PTPRN2: variants seen among roughly 807,000 people sequenced by gnomAD.
PTPRN2 encodes protein tyrosine phosphatase receptor type N2, also known as receptor-type tyrosine-protein phosphatase N2.
Under a neutral mutation model 118.8 loss-of-function variants are expected in PTPRN2, and 74 were observed. The ratio of observed to expected loss-of-function variants is 0.62; its 90% CI spans 0.52 to 0.76. PTPRN2 has a LOEUF of 0.76. Ranked by LOEUF, PTPRN2 falls within the 30% of genes least tolerant of loss-of-function variation. PTPRN2 has a pLI of 0.00. For synonymous variants in PTPRN2, 641 were observed against 608.0 expected (o/e 1.05, Z -0.80); for missense variants, 1,481 against 1,394.4 (o/e 1.06, Z -0.99).
At chr7:157,867,948 G>A (rs928405805) in intron 12 of PTPRN2, among the ~76,000 whole-genome samples, 4 of 152,166 alleles carry the variant, frequency 2.6e-5, no homozygotes, top group African/African-American at 9.7e-5. Flanking sequence ...AGGACTGGGG[G>A]CACCGTGCCT....
intron 21 of PTPRN2, among the ~76,000 whole-genome samples, chr7:157,564,100 T>C (rs1054883689): frequency 6.6e-6 from 1 of 151,784 alleles, no homozygotes; most frequent in African/African-American, 2.4e-5. Context: ...ATTTGGCCAA[T>C]ATATCTTGGG....
chr7:158,086,659 T>A (rs757518019), intron 10 of PTPRN2, among the ~76,000 whole-genome samples: 1 of 152,220 alleles, frequency 6.6e-6, no homozygotes, highest in East Asian at 1.9e-4. Flanking sequence ...AGGAGCCTTG[T>A]TTTACAGTAT....
At chr7:157,575,824 A>C (rs1294921461) in intron 19 of PTPRN2, among the ~76,000 whole-genome samples, 4 of 152,188 alleles carry the variant, frequency 2.6e-5, no homozygotes, top group African/African-American at 7.2e-5. Flanking sequence ...CTCAATAGGT[A>C]GACTTCTGAT....
In PTPRN2 at chr7:157,671,256, C is replaced by T. The variant is rs912233876; in HGVS notation, c.2001+11469G>A. On this transcript the variant is annotated intron_variant, in intron 13 of 22. Transcript: ENST00000389418. The surrounding 1 kb of genome is among the most constrained non-coding windows in gnomAD (Gnocchi z 4.1). The stretch of plus-strand genomic sequence containing the variant: ...GCCTTTGGGAAGCCAAGGCTGTCCC[C>T]ACACGGGCTGGTCTGGTGTGGGCAA... Among the ~76,000 whole-genome samples the T allele has an allele frequency of 6.6e-6, 1 of 152,206 alleles. No individual in the cohort carries two copies.
At chr7:158,413,072 G>A (rs1306995930) in intron 2 of PTPRN2, among the ~76,000 whole-genome samples, 2 of 104,948 alleles carry the variant, frequency 1.9e-5, no homozygotes, top group Non-Finnish European at 3.9e-5. Flanking sequence ...TCCAGGGCCC[G>A]TCTCAGCGCC....
At chr7:158,094,475 A>G (rs1288243565) in intron 10 of PTPRN2, among the ~76,000 whole-genome samples, 3 of 151,776 alleles carry the variant, frequency 2.0e-5, no homozygotes, top group African/African-American at 7.3e-5. Flanking sequence ...ATGCTCAGCT[A>G]ATTTTTTTTT....
At chr7:158,257,229 T>C (rs1342856643) in intron 3 of PTPRN2, among the ~76,000 whole-genome samples, 1 of 152,158 alleles carries the variant, frequency 6.6e-6, no homozygotes, top group Non-Finnish European at 1.5e-5. Flanking sequence ...ACACGGCTGC[T>C]CAGGACGCAG....
chr7:158,114,270 C>G (rs911808242), intron 9 of PTPRN2, among the ~76,000 whole-genome samples: 1 of 152,160 alleles, frequency 6.6e-6, no homozygotes, highest in East Asian at 1.9e-4. Flanking sequence ...ATGCCCCAGC[C>G]ACCCTCCAGC....
intron 11 of PTPRN2, among the ~76,000 whole-genome samples, chr7:157,962,144 T>C (rs886513441): frequency 3.3e-5 from 5 of 152,260 alleles, no homozygotes; most frequent in Admixed American, 2.0e-4. Flanking sequence ...CATTTTCTAA[T>C]TTGAAAAATC....
Position 158,448,833 on chromosome 7 carries a change from G to A in PTPRN2, c.163+40902C>T, listed in dbSNP as rs543662917. The stretch of plus-strand genomic sequence containing the variant: ...GTCCAGGTGCTCCAGCCCCACCAGC[G>A]TTTCCAATGGTCAGGAGCAACGGCG... On this transcript the variant is annotated intron_variant, in intron 2 of 22. Transcript: ENST00000389418. Among the ~76,000 whole-genome samples the A allele has an allele frequency of 1.1e-4, 17 of 152,314 alleles. No homozygotes were observed. The South Asian group carries it at 2.3e-3, about 20-fold the overall frequency.
chr7:158,215,052 G>A (rs977315319), intron 3 of PTPRN2, among the ~76,000 whole-genome samples: 2 of 152,146 alleles, frequency 1.3e-5, no homozygotes, highest in Non-Finnish European at 2.9e-5. Context: ...TGAGATGACC[G>A]AGATGTTAAA....
rs372094610 is a variant in PTPRN2 at position 157,648,974 on chromosome 7, G to A, written c.2196+7383C>T. The stretch of plus-strand genomic sequence containing the variant: ...CAGTGTGCACTGAACTCGGTGGGTC[G>A]GACCCATCCACTGTGCACTGAACTC... On this transcript the variant is annotated intron_variant, in intron 14 of 22. Transcript: ENST00000389418. Among the ~76,000 whole-genome samples the A allele has an allele frequency of 2.5e-3, 341 of 135,018 alleles. 12 individuals are homozygous for A. The highest frequency in any genetic ancestry group is 0.013 in the East Asian group (44 of 3,392). 88.6% of individuals were successfully genotyped at this position (135,018 alleles called of 152,430 possible).
Position 157,682,875 on chromosome 7 carries a change from C to A in PTPRN2, c.1851G>T (p.Ala617=), listed in dbSNP as rs971336611. The A allele has an allele frequency of 6.2e-7, 1 of 1,614,010 alleles. No individual in the cohort carries two copies. ...TGCAGGCGAGGGAGACCAGGGTGAG[C>A]GCGATGAACTTGGTGGAGTCTTCTT... ...AEQEDSTKFI[A]LTLVSLACIL... The change falls in exon 13 of 23, where the codon GCG becomes GCT. Residue 617 remains alanine, a synonymous_variant. Transcript: ENST00000389418.
chr7:157,580,320 G>A (rs1198980443), intron 17 of PTPRN2, among the ~76,000 whole-genome samples: 5 of 152,096 alleles, frequency 3.3e-5, no homozygotes, highest in East Asian at 1.9e-4. Flanking sequence ...ATTGGAATGC[G>A]CAGTTTACAA....
chr7:158,542,035 GGAA>G (rs1826015541), intron 1 of PTPRN2, among the ~76,000 whole-genome samples: 2 of 152,378 alleles, frequency 1.3e-5, no homozygotes, highest in South Asian at 2.1e-4. Context: ...AGATCCCTAA[GGAA>G]GAAGAGACAA....
intron 11 of PTPRN2, among the ~76,000 whole-genome samples, chr7:158,053,398 G>A (rs754717758): frequency 2.6e-5 from 4 of 152,182 alleles, no homozygotes; most frequent in Admixed American, 1.3e-4. Context: ...AGCGAACTCC[G>A]ATGTGGCTCT....
At chr7:158,067,286 G>T (rs193276440) in intron 11 of PTPRN2, among the ~76,000 whole-genome samples, 3 of 152,232 alleles carry the variant, frequency 2.0e-5, no homozygotes, top group Non-Finnish European at 2.9e-5. Context: ...CCTTGCAGTC[G>T]TCTACCTTCC....
intron 11 of PTPRN2, among the ~76,000 whole-genome samples, chr7:157,961,387 G>C (rs554254420): frequency 2.0e-5 from 3 of 152,148 alleles, no homozygotes; most frequent in African/African-American, 4.8e-5. Context: ...AAAAAAATTA[G>C]CTGGGCATGG....
At chr7:158,351,201 ACCACCTCCAC>A (rs1054116163) in intron 2 of PTPRN2, among the ~76,000 whole-genome samples, 6 of 152,222 alleles carry the variant, frequency 3.9e-5, no homozygotes, top group Admixed American at 3.3e-4. Context: ...AACTCGTGCT[ACCACCTCCAC>A]CCACCCCCAG....
Sources: gnomAD v4.1 joint callset for allele counts (sites outside exome capture counted in the v4.1 genomes callset) on GRCh38, gnomAD v4.1.1 for gene constraint, Gnocchi (gnomAD v3.1) non-coding constraint, MANE v1.5 for transcripts, NCBI Gene and HGNC (gene_info 2026-07-23, HGNC 2026-07-21) for gene names.